ADARB2: variants seen among roughly 807,000 people sequenced by gnomAD.
The protein encoded by ADARB2 is adenosine deaminase RNA specific B2 (inactive), also known as inactive double-stranded RNA-specific editase B2.
Under a neutral mutation model 62.2 loss-of-function variants are expected in ADARB2, and 25 were observed. That is an observed-to-expected ratio of 0.40 (90% confidence interval 0.29 to 0.56). The LOEUF (loss-of-function observed/expected upper bound fraction) is 0.56. Ranked by LOEUF, ADARB2 falls within the 20% of genes least tolerant of loss-of-function variation. The pLI, the probability that ADARB2 is intolerant of heterozygous loss-of-function variation, is 0.43. For synonymous variants in ADARB2, 572 were observed against 500.8 expected (o/e 1.14, Z -1.90); for missense variants, 1,071 against 1,077.4 (o/e 0.99, Z 0.08).
At chr10:1,579,483 G>A (rs901741397) in intron 1 of ADARB2, among the ~76,000 whole-genome samples, 2 of 152,192 alleles carry the variant, frequency 1.3e-5, no homozygotes, top group Non-Finnish European at 2.9e-5. Flanking sequence ...TGACTCAGCT[G>A]TAAAGAGTAC....
chr10:1,616,994 G>A (rs900117454), intron 1 of ADARB2, among the ~76,000 whole-genome samples: 30 of 150,526 alleles, frequency 2.0e-4, no homozygotes, highest in Non-Finnish European at 2.8e-4. Context: ...ACATTCTGTC[G>A]CTAGATGTTT....
intron 1 of ADARB2, among the ~76,000 whole-genome samples, chr10:1,418,792 C>A (rs1216148407): frequency 6.7e-6 from 1 of 149,710 alleles, no homozygotes; most frequent in African/African-American, 2.5e-5. Context: ...GCAAATACAT[C>A]AAGCCTTTCA....
chr10:1,648,814 T>A (rs1484096513), intron 1 of ADARB2, among the ~76,000 whole-genome samples: 1 of 152,136 alleles, frequency 6.6e-6, no homozygotes, highest in Non-Finnish European at 1.5e-5. Flanking sequence ...TTACAAAGTA[T>A]CTTCCATGGG....
intron 1 of ADARB2, among the ~76,000 whole-genome samples, chr10:1,579,656 C>T (rs1833069302): frequency 6.6e-6 from 1 of 152,198 alleles, no homozygotes; most frequent in Admixed American, 6.5e-5. Flanking sequence ...AAAATAAAGA[C>T]TCCAAATCTG....
intron 3 of ADARB2, among the ~76,000 whole-genome samples, chr10:1,321,197 A>G (rs1275521856): frequency 6.6e-6 from 1 of 151,968 alleles, no homozygotes; most frequent in African/African-American, 2.4e-5. Context: ...CTCCTCCTAC[A>G]CACTTTGCAG....
At chr10:1,555,053 A>G (rs1832680735) in intron 1 of ADARB2, among the ~76,000 whole-genome samples, 1 of 152,124 alleles carries the variant, frequency 6.6e-6, no homozygotes, top group Middle Eastern at 3.2e-3. Flanking sequence ...AAAGGACACG[A>G]TTTCATTCTT....
chr10:1,555,946 C>T (rs775612564), intron 1 of ADARB2, among the ~76,000 whole-genome samples: 1 of 152,046 alleles, frequency 6.6e-6, no homozygotes, highest in Non-Finnish European at 1.5e-5. Flanking sequence ...AAAAACAAAA[C>T]AAAACAAAAA....
At chr10:1,596,653 C>T (rs977831125) in intron 1 of ADARB2, among the ~76,000 whole-genome samples, 2 of 152,142 alleles carry the variant, frequency 1.3e-5, no homozygotes, top group Non-Finnish European at 2.9e-5. Flanking sequence ...GTGGCTGAGA[C>T]CAGGGGAGCA....
intron 1 of ADARB2, among the ~76,000 whole-genome samples, chr10:1,634,653 G>A (rs146609533): frequency 3.3e-5 from 5 of 152,230 alleles, no homozygotes; most frequent in Non-Finnish European, 7.4e-5. Context: ...ATAATATGTC[G>A]CATGACCTCA....
chr10:1,224,519 G>A (rs1256879241), intron 6 of ADARB2, among the ~76,000 whole-genome samples: 1 of 151,894 alleles, frequency 6.6e-6, no homozygotes, highest in Non-Finnish European at 1.5e-5. Context: ...TGTGATGTTA[G>A]GGTGTCAATT....
chr10:1,735,428 A>G (rs1411169057), intron 1 of ADARB2, among the ~76,000 whole-genome samples: 2 of 152,232 alleles, frequency 1.3e-5, no homozygotes, highest in African/African-American at 4.8e-5. Context: ...TATTTATAAA[A>G]TGCATTATTG....
intron 1 of ADARB2, among the ~76,000 whole-genome samples, chr10:1,551,939 C>A (rs1351922831): frequency 6.6e-6 from 1 of 152,208 alleles, no homozygotes; most frequent in Non-Finnish European, 1.5e-5. Flanking sequence ...GGAGTCCTGG[C>A]CTCAGGAGGG....
At chr10:1,273,806 C>G (rs992338593) in intron 3 of ADARB2, among the ~76,000 whole-genome samples, 2 of 152,216 alleles carry the variant, frequency 1.3e-5, no homozygotes, top group African/African-American at 4.8e-5. Flanking sequence ...GTGCTGCAAG[C>G]CCCATCCTGC....
At chr10:1,375,809 A>G (rs7394325) in intron 2 of ADARB2, among the ~76,000 whole-genome samples, 1 of 38,994 alleles carries the variant, frequency 2.6e-5, no homozygotes, top group Non-Finnish European at 2.5e-4. Flanking sequence ...CACACACACC[A>G]CACACATGCA....
At chr10:1,725,940 C>G (rs1198959337) in intron 1 of ADARB2, among the ~76,000 whole-genome samples, 1 of 152,218 alleles carries the variant, frequency 6.6e-6, no homozygotes, top group Non-Finnish European at 1.5e-5. Context: ...AGGGGCTAAC[C>G]CCAGAATTCT....
At chr10:1,375,356 T>A (rs948029810) in intron 2 of ADARB2, among the ~76,000 whole-genome samples, 1 of 152,198 alleles carries the variant, frequency 6.6e-6, no homozygotes, top group African/African-American at 2.4e-5. Context: ...CGTGGAGTTG[T>A]TCGGTCCACT....
chr10:1,587,042 A>C (rs1359001138), intron 1 of ADARB2, among the ~76,000 whole-genome samples: 1 of 152,196 alleles, frequency 6.6e-6, no homozygotes, highest in African/African-American at 2.4e-5. Context: ...GGGAATTGCA[A>C]ATTTTCTGTC....
At chr10:1,568,226 C>T (rs1832882989) in intron 1 of ADARB2, among the ~76,000 whole-genome samples, 1 of 152,220 alleles carries the variant, frequency 6.6e-6, no homozygotes, top group African/African-American at 2.4e-5. Context: ...CTCCGCTGTC[C>T]TGACTCTGCC....
chr10:1,725,683 G>A (rs1432815795), intron 1 of ADARB2, among the ~76,000 whole-genome samples: 2 of 152,244 alleles, frequency 1.3e-5, no homozygotes, highest in African/African-American at 4.8e-5. Context: ...AGAAGGCCAC[G>A]CTGCCGCACT....
Sources: gnomAD v4.1 joint callset for allele counts (sites outside exome capture counted in the v4.1 genomes callset) on GRCh38, gnomAD v4.1.1 for gene constraint, MANE v1.5 for transcripts, NCBI Gene and HGNC (gene_info 2026-07-23, HGNC 2026-07-21) for gene names.